ITGA11: variants seen among roughly 807,000 people sequenced by gnomAD.
The protein encoded by ITGA11 is integrin alpha-11.
ITGA11 carries 97 observed loss-of-function variants against 141.9 expected under a neutral mutation model. That is an observed-to-expected ratio of 0.68 (90% confidence interval 0.58 to 0.81). The LOEUF (loss-of-function observed/expected upper bound fraction) is 0.81, where lower values mean the gene tolerates loss of function less well. ITGA11 is among the 30% of genes least tolerant of loss of function. ITGA11 has a pLI of 0.00. For synonymous variants in ITGA11, 658 were observed against 624.6 expected, an observed-to-expected ratio of 1.05 and a Z score of -0.80; for missense variants, 1,387 against 1,559.2, an observed-to-expected ratio of 0.89 and a Z score of 1.86.
intron 1 of ITGA11, among the ~76,000 whole-genome samples, chr15:68,430,967 G>A (rs1227669326): frequency 6.6e-6 from 1 of 152,234 alleles, no homozygotes; most frequent in Non-Finnish European, 1.5e-5. Flanking sequence ...CACCGCATCT[G>A]ACCCCCACTA....
chr15:68,364,920 C>T (rs1895369518), intron 3 of ITGA11, 122 bp from the exon 4 acceptor site: 4 of 981,392 alleles, frequency 4.1e-6, no homozygotes, highest in Non-Finnish European at 6.3e-6. Flanking sequence ...GGACCTCTGG[C>T]TCTCAGGGTT....
intron 2 of ITGA11, among the ~76,000 whole-genome samples, chr15:68,400,082 T>C (rs1188411254): frequency 2.0e-5 from 3 of 152,010 alleles, no homozygotes; most frequent in Admixed American, 6.6e-5. Flanking sequence ...AATAGACAAA[T>C]GGAATAAAAT....
chr15:68,405,783 A>AG (rs1435667572), intron 1 of ITGA11, among the ~76,000 whole-genome samples: 2 of 150,444 alleles, frequency 1.3e-5, no homozygotes, highest in African/African-American at 2.5e-5. Flanking sequence ...TGGTGGGCAT[A>AG]GGGGGGTTAC....
intron 1 of ITGA11, among the ~76,000 whole-genome samples, chr15:68,410,456 G>A (rs1896747904): frequency 6.6e-6 from 1 of 152,222 alleles, no homozygotes; most frequent in South Asian, 2.1e-4. Context: ...CAGAGAGGGA[G>A]AGGAGGAGGG....
In ITGA11 at chr15:68,328,171, C is replaced by T; in HGVS notation, c.1993G>A (p.Asp665Asn). The T allele has an allele frequency of 6.2e-7, 1 of 1,613,698 alleles. No homozygotes were observed. Among genetic ancestry groups the T allele is most frequent in the Non-Finnish European group, 8.5e-7 (1 of 1,179,702 alleles). ...FHRDCKRSGRDATCLAAFLCF... is the reference protein window; with the variant it reads ...FHRDCKRSGRNATCLAAFLCF... ...AGGAAGGCGGCCAGGCAGGTGGCAT[C>T]CCTGCCACTGCGCTTGCAGTCTCTG... Residue 665 changes from aspartate to asparagine, a missense_variant, in exon 16 of 30, where the codon GAT becomes AAT. Transcript: ENST00000315757. This position sits in a 1 kb window ranked among gnomAD's most constrained non-coding sequence, Gnocchi z 4.8.
intron 7 of ITGA11, 122 bp downstream of exon 7, chr15:68,357,029 G>A: frequency 2.2e-6 from 2 of 925,618 alleles, no homozygotes; most frequent in Non-Finnish European, 1.6e-6. Flanking sequence ...CCAGAATTTT[G>A]AGGAATTAAG....
chr15:68,299,425 T>C lies in ITGA11; in HGVS notation c.*3634A>G, dbSNP rs1317643682. The C allele has an allele frequency of 6.6e-6, 1 of 152,042 alleles. No homozygotes were observed. The highest frequency in any genetic ancestry group is 1.5e-5 in the Non-Finnish European group (1 of 68,000). The allele number at this position is 152,042 out of a possible 1,614,324, so 9.4% of individuals were successfully genotyped here. ...CATAAAGATAGTAGGGGAGTTTTTTTTTTTTTTAAATTATAAGAAGGAGTG... is the reference window on the plus strand; with the variant it reads ...CATAAAGATAGTAGGGGAGTTTTTTCTTTTTTTAAATTATAAGAAGGAGTG... On this transcript the variant is annotated 3_prime_UTR_variant, in exon 30 of 30. Transcript: ENST00000315757.
In ITGA11 at chr15:68,358,589, G is replaced by C; in HGVS notation, c.473-4C>G. The C allele has an allele frequency of 2.5e-6, 4 of 1,609,292 alleles. No homozygotes were observed. Among genetic ancestry groups the C allele is most frequent in the South Asian group, 1.1e-5 (1 of 90,026 alleles). On this transcript the variant is annotated splice_polypyrimidine_tract_variant and splice_region_variant and intron_variant, in intron 5 of 29. Coordinates refer to ENST00000315757, the MANE Select transcript of ITGA11 (RefSeq NM_001004439.2). ...ATGTCCATGTAGGTCTGGCACCCTGGAAAGTGGGGACACAGTTATGGCTAC... is the reference window on the plus strand; with the variant it reads ...ATGTCCATGTAGGTCTGGCACCCTGCAAAGTGGGGACACAGTTATGGCTAC...
At position 68,297,929 on chromosome 15, in the gene ITGA11, G is replaced by A; in HGVS notation, c.*5130C>T. Reference sequence around the variant, plus strand: ...ACTATGTGTGTCGTAACTGAGAGTAGGCTCTGGGTCTCTTGACCCACTGAA... The same window carrying A: ...ACTATGTGTGTCGTAACTGAGAGTAAGCTCTGGGTCTCTTGACCCACTGAA... On this transcript the variant is annotated 3_prime_UTR_variant, in exon 30 of 30. Transcript: ENST00000315757. The A allele has an allele frequency of 6.6e-6, 1 of 152,198 alleles. No individual in the cohort carries two copies. Among genetic ancestry groups the A allele is most frequent in the East Asian group, 1.9e-4 (1 of 5,190 alleles). The allele number at this position is 152,198 out of a possible 1,614,324, so 9.4% of individuals were successfully genotyped here.
rs1007154479 is a variant in ITGA11 at position 68,299,747 on chromosome 15, C to T, written c.*3312G>A. 2.5e-4 allele frequency: 38 copies of T among 152,188 alleles called. No homozygotes were observed. The highest frequency in any genetic ancestry group is 9.2e-4 in the African/African-American group (38 of 41,436). 9.4% of individuals were successfully genotyped at this position (152,188 alleles called of 1,614,324 possible). A position where few individuals can be genotyped will look rare whatever the true frequency, so the allele number is the denominator to read the frequency against. On this transcript the variant is annotated 3_prime_UTR_variant, in exon 30 of 30. Transcript: ENST00000315757. ...TTCTCAGACAGTATTGATGCTAAAA[C>T]CTTTTGAATACTGACGGAGGTAGGA...
intron 20 of ITGA11, among the ~76,000 whole-genome samples, chr15:68,318,842 G>A (rs933715340): frequency 2.6e-5 from 4 of 152,140 alleles, no homozygotes; most frequent in Admixed American, 6.5e-5. Flanking sequence ...TGAGATCCTC[G>A]AGGACAGAGG....
rs1432974256 is a variant in ITGA11, at chr15:68,324,543, G to T, written c.2322+588C>A. Among the ~76,000 whole-genome samples, 1 of 152,178 alleles carries T rather than the reference G, an allele frequency of 6.6e-6. No homozygotes were observed. Among genetic ancestry groups the T allele is most frequent in the African/African-American group, 2.4e-5 (1 of 41,440 alleles). The stretch of plus-strand genomic sequence containing the variant: ...TTTCCTTGAGTGGGATTTACATGGA[G>T]TTGCGGCTGCAGGGAGCATTTGAAT... On this transcript the variant is annotated intron_variant, in intron 18 of 29. Coordinates refer to ENST00000315757, the MANE Select transcript of ITGA11 (RefSeq NM_001004439.2). The surrounding 1 kb of genome is among the most constrained non-coding windows in gnomAD (Gnocchi z 6.3).
intron 2 of ITGA11, among the ~76,000 whole-genome samples, chr15:68,392,277 A>G (rs1896141408): frequency 6.6e-6 from 1 of 152,254 alleles, no homozygotes; most frequent in South Asian, 2.1e-4. Flanking sequence ...CTATGTAAAC[A>G]GCACAAAATA....
Position 68,372,244 on chromosome 15 carries a change from TGA to T in ITGA11, c.165-2962_165-2961del, listed in dbSNP as rs576760676. On this transcript the variant is annotated intron_variant, in intron 2 of 29. Coordinates refer to ENST00000315757, the MANE Select transcript of ITGA11 (RefSeq NM_001004439.2). Reference sequence around the variant, plus strand: ...TGGAGGACATGATTCAGTCCCAGTTTGAGAGGATAACTGCCGAAGCGCAGGGA... The same window carrying T: ...TGGAGGACATGATTCAGTCCCAGTTTGAGGATAACTGCCGAAGCGCAGGGA... Among the ~76,000 whole-genome samples, 151 of 152,178 alleles carry T rather than the reference TGA, an allele frequency of 9.9e-4. No homozygotes were observed. The Middle Eastern group carries it at 0.017, about 17-fold the overall frequency.
chr15:68,330,769 C>T (rs990492544), intron 15 of ITGA11, among the ~76,000 whole-genome samples: 2 of 152,106 alleles, frequency 1.3e-5, no homozygotes, highest in African/African-American at 2.4e-5. Context: ...ATTCTAAGAG[C>T]GGGGGCTTTT....
chr15:68,331,800 G>C (rs1894166553), intron 14 of ITGA11, 59 bp downstream of exon 14: 1 of 1,414,504 alleles, frequency 7.1e-7, no homozygotes, highest in South Asian at 1.2e-5. Flanking sequence ...GAAGCTCCTG[G>C]GACTCCTGGG....
chr15:68,345,945 C>A (rs1429378142), intron 10 of ITGA11, among the ~76,000 whole-genome samples: 1 of 152,126 alleles, frequency 6.6e-6, no homozygotes, highest in Non-Finnish European at 1.5e-5. Flanking sequence ...CATGCTTGCA[C>A]CATTCCTGTG....
At chr15:68,342,189 G>A (rs148163432) in intron 10 of ITGA11, among the ~76,000 whole-genome samples, 1,715 of 152,338 alleles carry the variant, frequency 0.011, 21 homozygotes, top group Non-Finnish European at 0.016. Flanking sequence ...CCTTAATAGG[G>A]GAAGTCAGGC....
In ITGA11 at chr15:68,307,931, G is replaced by A. The variant is rs572408516; in HGVS notation, c.3175-235C>T. Reference sequence around the variant, plus strand: ...GAAGCTGTACATTGTGACCGGCCTGGATATATTCCAGGGACAGAACTTTTG... The same window carrying A: ...GAAGCTGTACATTGTGACCGGCCTGAATATATTCCAGGGACAGAACTTTTG... On this transcript the variant is annotated intron_variant, in intron 26 of 29. Transcript: ENST00000315757. This position sits in a 1 kb window ranked among gnomAD's most constrained non-coding sequence, Gnocchi z 6.1. Among the ~76,000 whole-genome samples the A allele has an allele frequency of 3.3e-5, 5 of 152,294 alleles. No individual in the cohort carries two copies. In the East Asian group the frequency reaches 7.7e-4, roughly 23 times the overall value.
Sources: gnomAD v4.1 joint callset for allele counts (sites outside exome capture counted in the v4.1 genomes callset) on GRCh38, gnomAD v4.1.1 for gene constraint, Gnocchi (gnomAD v3.1) non-coding constraint, MANE v1.5 for transcripts, NCBI Gene and HGNC (gene_info 2026-07-23, HGNC 2026-07-21) for gene names.